CACNB2: variants seen among roughly 807,000 people sequenced by gnomAD.
CACNB2 encodes the protein calcium voltage-gated channel auxiliary subunit beta 2, also known as voltage-dependent L-type calcium channel subunit beta-2.
CACNB2 carries 42 observed loss-of-function variants against 73.3 expected under a neutral mutation model. The observed-to-expected ratio is 0.57, with a 90% CI of 0.45 to 0.74. The LOEUF is 0.74. Ranked by LOEUF, CACNB2 falls within the 30% of genes least tolerant of loss-of-function variation. The pLI, the probability that CACNB2 is intolerant of heterozygous loss-of-function variation, is 0.00. For synonymous variants in CACNB2, 348 were observed against 310.3 expected, an observed-to-expected ratio of 1.12 and a Z score of -1.28; for missense variants, 940 against 853.0, an observed-to-expected ratio of 1.10 and a Z score of -1.27.
At chr10:18,234,352 G>A (rs1467140713) in intron 2 of CACNB2, 1 of 152,184 alleles carries the variant, frequency 6.6e-6, no homozygotes, top group African/African-American at 2.4e-5. Flanking sequence ...AGCATATTAA[G>A]CATAAAATTA....
intron 2 of CACNB2, among the ~76,000 whole-genome samples, chr10:18,399,714 T>A (rs1431960091): frequency 6.6e-6 from 1 of 152,122 alleles, no homozygotes; most frequent in Non-Finnish European, 1.5e-5. Flanking sequence ...GAACACTTTT[T>A]TTTTTCATTT....
intron 2 of CACNB2, among the ~76,000 whole-genome samples, chr10:18,235,449 C>T (rs772616393): frequency 6.6e-6 from 1 of 152,160 alleles, no homozygotes. Context: ...CAAAGCAAGA[C>T]CCTGTCTCTA....
rs148305193 is a variant in CACNB2, at chr10:18,506,527, A to G, written c.650A>G (p.Lys217Arg). The G allele has an allele frequency of 2.5e-6, 4 of 1,605,082 alleles. No homozygotes were observed. The African/African-American group carries it at 5.3e-5, about 21-fold the overall frequency. Reference protein sequence around the residue: ...SLGDIVPSSRKSTPPSSAIDI... With the variant: ...SLGDIVPSSRRSTPPSSAIDI... The stretch of plus-strand genomic sequence containing the variant: ...GGTGACATAGTACCTAGTTCCAGAA[A>G]ATCAACACCTCCATCATCTGGTAAG... The change falls in exon 6 of 14, where the codon AAA (lysine) becomes AGA (arginine). Residue 217 changes from lysine (K) to arginine (R), a missense_variant. Coordinates refer to ENST00000324631, the MANE Select transcript of CACNB2 (RefSeq NM_201596.3).
chr10:18,466,349 C>A (rs1174666012), intron 3 of CACNB2, among the ~76,000 whole-genome samples: 1 of 152,168 alleles, frequency 6.6e-6, no homozygotes, highest in Non-Finnish European at 1.5e-5. Flanking sequence ...AACCCTCCAG[C>A]CTCAGCCTTC....
chr10:18,528,278 A>C (rs2052672696), intron 10 of CACNB2, among the ~76,000 whole-genome samples: 1 of 152,192 alleles, frequency 6.6e-6, no homozygotes, highest in Admixed American at 6.5e-5. Flanking sequence ...TTGTAAAAAC[A>C]GTGTAGGGAG....
In CACNB2 at chr10:18,464,418, T is replaced by TAAAATAAAAAAAAAAAAAAAA. The variant is rs1554824204; in HGVS notation, c.334-33933_334-33932insTAAAAAAAAAAAAAAAAAAAA. Among the ~76,000 whole-genome samples the TAAAATAAAAAAAAAAAAAAAA allele has an allele frequency of 3.4e-3, 292 of 85,234 alleles. 3 individuals are homozygous for TAAAATAAAAAAAAAAAAAAAA. The highest frequency in any genetic ancestry group is 0.014 in the Middle Eastern group (2 of 144). 55.9% of individuals were successfully genotyped at this position (85,234 alleles called of 152,430 possible). A position where few individuals can be genotyped will look rare whatever the true frequency, so the allele number is the denominator to read the frequency against. ...CAGAGTGAGACCCTGTCTCAAAAAT[T>TAAAATAAAAAAAAAAAAAAAA]AAAAAAAAAAAAAAAAAAAAAAGAA... On this transcript the variant is annotated intron_variant, in intron 3 of 13. Transcript: ENST00000324631.
intron 3 of CACNB2, among the ~76,000 whole-genome samples, chr10:18,410,780 G>C (rs1475038053): frequency 2.0e-5 from 3 of 152,092 alleles, no homozygotes; most frequent in Non-Finnish European, 2.9e-5. Context: ...AGGAGTTTGA[G>C]AGCAGCCTGG....
intron 3 of CACNB2, among the ~76,000 whole-genome samples, chr10:18,437,981 C>T (rs1454324897): frequency 1.5e-5 from 2 of 132,836 alleles, no homozygotes; most frequent in Non-Finnish European, 3.2e-5. Context: ...CTGGGGGTGT[C>T]GGGATACCTG....
chr10:18,379,064 G>T (rs1283326842), intron 2 of CACNB2, among the ~76,000 whole-genome samples: 1 of 152,070 alleles, frequency 6.6e-6, no homozygotes, highest in Admixed American at 6.5e-5. Context: ...CTGTGTGTCA[G>T]TTTTTTATTG....
intron 2 of CACNB2, among the ~76,000 whole-genome samples, chr10:18,198,937 T>G (rs951564462): frequency 6.6e-6 from 1 of 152,214 alleles, no homozygotes; most frequent in Non-Finnish European, 1.5e-5. Flanking sequence ...GGCATTCAAC[T>G]TAGATTGTTT....
chr10:18,150,855 C>CTTTTGTTTTTTTTT, intron 1 of CACNB2, 28 bp from the exon 2 acceptor site: 1 of 483,392 alleles, frequency 2.1e-6, no homozygotes. Flanking sequence ...TCTTATTTGT[C>CTTTTGTTTTTTTTT]TTTTTTTTTT....
At chr10:18,528,580 T>G (rs16917423) in intron 10 of CACNB2, among the ~76,000 whole-genome samples, 3,989 of 152,308 alleles carry the variant, frequency 0.026, 181 homozygotes, top group African/African-American at 0.09. Flanking sequence ...TACTCTGAAG[T>G]ATGATTATAT....
intron 2 of CACNB2, among the ~76,000 whole-genome samples, chr10:18,355,600 T>A (rs546199375): frequency 6.6e-6 from 1 of 152,180 alleles, no homozygotes; most frequent in South Asian, 2.1e-4. Flanking sequence ...CCCAGCTGAT[T>A]AGGCTCTGCA....
chr10:18,214,286 A>G lies in CACNB2; in HGVS notation c.213+63311A>G, dbSNP rs1251731381. Among the ~76,000 whole-genome samples the G allele has an allele frequency of 4.0e-5, 3 of 75,478 alleles. 1 individual carries two copies. Among genetic ancestry groups the G allele is most frequent in the African/African-American group, 9.3e-5 (3 of 32,346 alleles). The allele number at this position is 75,478 out of a possible 152,430, so 49.5% of individuals were successfully genotyped here. ...AATGGATTAAAAACAGAAGATCTCT[A>G]CTTCTGCATCCATTTGTACCTTACA... On this transcript the variant is annotated intron_variant, in intron 2 of 13. Transcript: ENST00000324631.
intron 3 of CACNB2, among the ~76,000 whole-genome samples, chr10:18,495,584 T>TGTGGG (rs2049757562): frequency 7.2e-6 from 1 of 138,196 alleles, no homozygotes; most frequent in African/African-American, 2.7e-5. Flanking sequence ...TGTGTGTGTG[T>TGTGGG]GTGTGTGTAT....
intron 2 of CACNB2, among the ~76,000 whole-genome samples, chr10:18,178,956 T>C (rs2033740092): frequency 6.6e-6 from 1 of 152,132 alleles, no homozygotes; most frequent in Non-Finnish European, 1.5e-5. Context: ...AGAGCAGAAG[T>C]TGGGTCTATA....
chr10:18,440,241 C>T (rs939005492), intron 3 of CACNB2, among the ~76,000 whole-genome samples: 1 of 152,150 alleles, frequency 6.6e-6, no homozygotes, highest in Non-Finnish European at 1.5e-5. Context: ...GACCTAACTA[C>T]CTTGTTAAAG....
At position 18,325,356 on chromosome 10, in the gene CACNB2, A is replaced by AT. The variant is rs911600245; in HGVS notation, c.214-76558dup. 5.0e-3 allele frequency among the ~76,000 whole-genome samples: 755 copies of AT among 150,678 alleles called. 9 individuals carry two copies. Among genetic ancestry groups the AT allele is most frequent in the African/African-American group, 0.018 (731 of 41,132 alleles). On this transcript the variant is annotated intron_variant, in intron 2 of 13. Transcript: ENST00000324631. ...AGGCATGCACCACCATGCCCAGCTAATTTTTTTTTTAAATTTTTTGTAGAG... is the reference window on the plus strand; with the variant it reads ...AGGCATGCACCACCATGCCCAGCTAATTTTTTTTTTTAAATTTTTTGTAGAG...
chr10:18,235,674 C>T (rs56842311), intron 2 of CACNB2, among the ~76,000 whole-genome samples: 6,189 of 152,194 alleles, frequency 0.041, 451 homozygotes, highest in African/African-American at 0.14. Context: ...AAAGGCAAGT[C>T]GGTTGGAGCA....
Sources: gnomAD v4.1 joint callset for allele counts (sites outside exome capture counted in the v4.1 genomes callset) on GRCh38, gnomAD v4.1.1 for gene constraint, MANE v1.5 for transcripts, NCBI Gene and HGNC (gene_info 2026-07-23, HGNC 2026-07-21) for gene names.